ATXN1L: variants seen among roughly 807,000 people sequenced by gnomAD.
ATXN1L encodes ataxin-1-like.
ATXN1L carries 8 observed loss-of-function variants against 43.4 expected under a neutral mutation model. That is an observed-to-expected ratio of 0.18 (90% confidence interval 0.11 to 0.33). The LOEUF is 0.33. Among genes scored for constraint, ATXN1L ranks in the 10% least tolerant of loss-of-function variants. The probability of loss-of-function intolerance (pLI) is 1.00; values close to 1 mark genes in which losing one functional copy is unlikely to be tolerated. For synonymous variants in ATXN1L, 379 were observed against 360.6 expected, an observed-to-expected ratio of 1.05 and a Z score of -0.58; for missense variants, 856 against 885.4, an observed-to-expected ratio of 0.97 and a Z score of 0.42.
chr16:71,848,669 C>T (rs1017746401), intron 2 of ATXN1L, among the ~76,000 whole-genome samples: 14 of 135,384 alleles, frequency 1.0e-4, no homozygotes, highest in Non-Finnish European at 1.5e-5. Flanking sequence ...ATTTTCATAA[C>T]CTGGTTAGGG....
chr16:71,851,213 G>A lies in ATXN1L; in HGVS notation c.1473G>A (p.Gln491=). 1 of 1,551,690 alleles carries A rather than the reference G, an allele frequency of 6.4e-7. No homozygotes were observed. Among genetic ancestry groups the A allele is most frequent in the South Asian group, 1.2e-5 (1 of 84,062 alleles). ...AGCGGGTGGAGGACCTCCAGACCCA[G>A]GATTTTGTGCGCAGTGCCGAAGTGA... The part of the protein sequence containing the change: ...ELKRVEDLQT[Q]DFVRSAEVSG... Residue 491 remains glutamine (Q), a synonymous_variant, in exon 3 of 3, where the codon CAG becomes CAA. Coordinates refer to ENST00000427980, the MANE Select transcript of ATXN1L (RefSeq NM_001137675.4). The surrounding 1 kb of genome is among the most constrained non-coding windows in gnomAD (Gnocchi z 4.9).
rs2033510594 is a variant in ATXN1L at position 71,852,111 on chromosome 16, C to T, written c.*301C>T. 3.8e-6 allele frequency: 1 copy of T among 261,292 alleles called. No individual in the cohort carries two copies. Among genetic ancestry groups the T allele is most frequent in the Non-Finnish European group, 7.7e-6 (1 of 129,836 alleles). 16.2% of individuals were successfully genotyped at this position (261,292 alleles called of 1,614,324 possible). ...AATCAGGGCCTCCCTGTTCTTTCCT[C>T]CCCATCCCTAGCTCCTGCAAGAGAA... On this transcript the variant is annotated 3_prime_UTR_variant, in exon 3 of 3. Transcript: ENST00000427980.
At chr16:71,847,971 C>G (rs1567388913) in intron 1 of ATXN1L, 39 bp from the exon 2 acceptor site, 5 of 453,710 alleles carry the variant, frequency 1.1e-5, no homozygotes, top group Non-Finnish European at 2.2e-5. Flanking sequence ...AATTAGAGGT[C>G]AGGCAGCCGC....
rs1418710150 is a variant in ATXN1L at position 71,849,215 on chromosome 16, TTAAAAAAAAAAAA to T, written c.-117-408_-117-396del. Among the ~76,000 whole-genome samples the T allele has an allele frequency of 2.1e-3, 183 of 86,052 alleles. 1 individual carries two copies. The highest frequency in any genetic ancestry group is 1.3e-3 in the Non-Finnish European group (54 of 43,200). The allele number at this position is 86,052 out of a possible 152,430, so 56.5% of individuals were successfully genotyped here. ...CAACAAGAGCAAAACTCCATGTGTT[TTAAAAAAAAAAAA>T]AAAAAAAAAAAAAAGCAAAAGAGCC... On this transcript the variant is annotated intron_variant, in intron 2 of 2. Transcript: ENST00000427980.
Position 71,848,084 on chromosome 16 carries a change from C to G in ATXN1L, c.-118+13C>G, listed in dbSNP as rs1340191055. ...ACTGGAAACTCAGGTAATACCGGCA[C>G]TTTGAATTCCTTGTTTCAGGAAAAT... On this transcript the variant is annotated intron_variant, in intron 2 of 2. Transcript: ENST00000427980. 5 of 455,480 alleles carry G rather than the reference C, an allele frequency of 1.1e-5. No individual in the cohort carries two copies. Among genetic ancestry groups the G allele is most frequent in the Non-Finnish European group, 4.4e-6 (1 of 226,694 alleles). The allele number at this position is 455,480 out of a possible 1,614,324, so 28.2% of individuals were successfully genotyped here.
At position 71,857,058 on chromosome 16, in the gene ATXN1L, G is replaced by A. The variant is rs1231242061; in HGVS notation, c.*5248G>A. ...CTAATCCTACCTGATCTTTAACAAA[G>A]CATTAATAATTCTAAGGATAATCTC... On this transcript the variant is annotated 3_prime_UTR_variant, in exon 3 of 3. Transcript: ENST00000427980. 6.0e-6 allele frequency: 1 copy of A among 167,016 alleles called. No homozygotes were observed. Among genetic ancestry groups the A allele is most frequent in the Non-Finnish European group, 1.5e-5 (1 of 68,118 alleles). The allele number at this position is 167,016 out of a possible 1,614,324, so 10.3% of individuals were successfully genotyped here. A position where few individuals can be genotyped will look rare whatever the true frequency, so the allele number is the denominator to read the frequency against.
intron 1 of ATXN1L, among the ~76,000 whole-genome samples, 165 bp from the exon 2 acceptor site, chr16:71,847,845 G>C (rs2033459105): frequency 1.3e-5 from 2 of 152,090 alleles, no homozygotes; most frequent in Admixed American, 6.6e-5. Flanking sequence ...TTTTCTCTCT[G>C]TTCAACTGCC....
intron 2 of ATXN1L, among the ~76,000 whole-genome samples, chr16:71,849,022 C>G (rs2033470380): frequency 6.6e-6 from 1 of 151,884 alleles, no homozygotes; most frequent in Non-Finnish European, 1.5e-5. Context: ...CGAGACTAGC[C>G]TGGCCAACAT....
In ATXN1L at chr16:71,850,706, A is replaced by G; in HGVS notation, c.966A>G (p.Val322=). 6.4e-7 allele frequency: 1 copy of G among 1,551,732 alleles called. No homozygotes were observed. The highest frequency in any genetic ancestry group is 1.2e-5 in the South Asian group (1 of 84,070). ...FSGSQTPRVE[V]AAPAHRGTPD... ...GTTCTCAGACTCCACGGGTAGAGGT[A>G]GCAGCACCAGCACACCGGGGGACCC... Residue 322 remains valine, a synonymous_variant, in exon 3 of 3, where the codon GTA becomes GTG. Coordinates refer to ENST00000427980, the MANE Select transcript of ATXN1L (RefSeq NM_001137675.4).
In ATXN1L at chr16:71,846,091, T is replaced by G; in HGVS notation, c.-193T>G. The G allele has an allele frequency of 4.9e-6, 1 of 202,332 alleles. No individual in the cohort carries two copies. The highest frequency in any genetic ancestry group is 5.8e-5 in the South Asian group (1 of 17,190). 12.5% of individuals were successfully genotyped at this position (202,332 alleles called of 1,614,324 possible). A position where few individuals can be genotyped will look rare whatever the true frequency, so the allele number is the denominator to read the frequency against. ...CGAGTGAGTGGATCCTGGGAAGCGC[T>G]GTGAAATGGGCTGGTGAGTGTCCCT... On this transcript the variant is annotated 5_prime_UTR_variant, in exon 1 of 3. Transcript: ENST00000427980.
rs1464740230 is a variant in ATXN1L, at chr16:71,851,632, G to A, written c.1892G>A (p.Gly631Asp). Residue 631 changes from glycine to aspartate, a missense_variant, in exon 3 of 3, where the codon GGC (glycine) becomes GAC (aspartate). Gly to Asp is a moderately conservative substitution (Grantham distance 94). This residue lies in a region of ATXN1L where 185 missense variants were observed against 176.8 expected (regional missense o/e 1.05). Transcript: ENST00000427980. This position sits in a 1 kb window ranked among gnomAD's most constrained non-coding sequence, Gnocchi z 4.9. ...GGGAAGAGCCAGCCGGCAGGAGAGGGCTCCCGTGTGGTAGAGCCTTCCCAG... is the reference window on the plus strand; with the variant it reads ...GGGAAGAGCCAGCCGGCAGGAGAGGACTCCCGTGTGGTAGAGCCTTCCCAG... ...SEGKSQPAGE[G>D]SRVVEPSQPE... 2 of 1,535,274 alleles carry A rather than the reference G, an allele frequency of 1.3e-6. No homozygotes were observed. Among genetic ancestry groups the A allele is most frequent in the Non-Finnish European group, 1.8e-6 (2 of 1,135,544 alleles).
rs1317821763 is a variant in ATXN1L at position 71,849,900 on chromosome 16, C to A, written c.160C>A (p.Gln54Lys). ...GTCCCGAGGGGTTGTGGTGGCTGGG[C>A]AGAGCCAGGCAGGAGCCAGAGTCAG... Reference protein sequence around the residue: ...EWSRGVVVAGQSQAGARVSLG... With the variant: ...EWSRGVVVAGKSQAGARVSLG... The change falls in exon 3 of 3, where the codon CAG becomes AAG. Residue 54 changes from glutamine to lysine, a missense_variant. Gln to Lys is a moderately conservative substitution (Grantham distance 53). Around this residue, in one of 7 missense-constraint regions of ATXN1L, gnomAD observed 93 missense variants for 113.4 expected, o/e 0.82. Transcript: ENST00000427980. The A allele has an allele frequency of 1.6e-5, 25 of 1,550,946 alleles. No homozygotes were observed. The highest frequency in any genetic ancestry group is 2.0e-5 in the Non-Finnish European group (23 of 1,146,584).
rs1225918189 is a variant in ATXN1L, at chr16:71,851,698, T to C, written c.1958T>C (p.Phe653Ser). The change falls in exon 3 of 3, where the codon TTC becomes TCC. Residue 653 changes from phenylalanine to serine, a missense_variant. Phe to Ser is a radical substitution (Grantham distance 155). Coordinates refer to ENST00000427980, the MANE Select transcript of ATXN1L (RefSeq NM_001137675.4). This position sits in a 1 kb window ranked among gnomAD's most constrained non-coding sequence, Gnocchi z 4.9. ...GAQACWPAPSFQRYSMQGEEA... is the reference protein window; with the variant it reads ...GAQACWPAPSSQRYSMQGEEA... ...CAGGCCTGCTGGCCAGCCCCGAGCT[T>C]CCAAAGATACAGCATGCAAGGGGAG... 6.0e-6 allele frequency: 9 copies of C among 1,489,422 alleles called. No homozygotes were observed. In the South Asian group the frequency reaches 1.2e-4, roughly 20 times the overall value. 92.3% of individuals were successfully genotyped at this position (1,489,422 alleles called of 1,614,324 possible).
In ATXN1L at chr16:71,853,885, C is replaced by A. The variant is rs2033528991; in HGVS notation, c.*2075C>A. On this transcript the variant is annotated 3_prime_UTR_variant, in exon 3 of 3. Transcript: ENST00000427980. ...ATCTGGTTTGTGTCAGAACCAGACG[C>A]CAACTTTGTACTGCATTTGGGATCA... The A allele has an allele frequency of 6.0e-6, 1 of 167,104 alleles. No individual in the cohort carries two copies. The highest frequency in any genetic ancestry group is 1.5e-5 in the Non-Finnish European group (1 of 68,136). 10.4% of individuals were successfully genotyped at this position (167,104 alleles called of 1,614,324 possible). A position where few individuals can be genotyped will look rare whatever the true frequency, so the allele number is the denominator to read the frequency against.
At chr16:71,849,215 TTAAA>T (rs1367192565) in intron 2 of ATXN1L, among the ~76,000 whole-genome samples, 11 of 86,052 alleles carry the variant, frequency 1.3e-4, no homozygotes, top group Non-Finnish European at 1.9e-4. Context: ...TCCATGTGTT[TTAAA>T]AAAAAAAAAA....
In ATXN1L at chr16:71,849,929, G is replaced by C; in HGVS notation, c.189G>C (p.Leu63=). Reference sequence around the variant, plus strand: ...GCCAGGCAGGAGCCAGAGTCAGCCTGGGGGGTGATGGAGCTGAGGCCATCA... The same window carrying C: ...GCCAGGCAGGAGCCAGAGTCAGCCTCGGGGGTGATGGAGCTGAGGCCATCA... ...GQSQAGARVS[L]GGDGAEAITG... Residue 63 remains leucine, a synonymous_variant, in exon 3 of 3, where the codon CTG becomes CTC. Coordinates refer to ENST00000427980, the MANE Select transcript of ATXN1L (RefSeq NM_001137675.4). The C allele has an allele frequency of 1.9e-6, 3 of 1,550,990 alleles. No homozygotes were observed. The highest frequency in any genetic ancestry group is 1.4e-5 in the African/African-American group (1 of 73,130).
chr16:71,851,405 C>T lies in ATXN1L; in HGVS notation c.1665C>T (p.Cys555=). ...FFVYGQGWSS[C]SPGRTTQLFS... ...TATATGGCCAGGGTTGGTCCTCTTG[C>T]AGCCCTGGGCGGACGACACAACTCT... Residue 555 remains cysteine, a synonymous_variant, in exon 3 of 3, where the codon TGC becomes TGT. Coordinates refer to ENST00000427980, the MANE Select transcript of ATXN1L (RefSeq NM_001137675.4). This position sits in a 1 kb window ranked among gnomAD's most constrained non-coding sequence, Gnocchi z 4.9. 6.4e-7 allele frequency: 1 copy of T among 1,551,578 alleles called. No individual in the cohort carries two copies. Among genetic ancestry groups the T allele is most frequent in the South Asian group, 1.2e-5 (1 of 84,062 alleles).
chr16:71,848,575 A>G (rs2033467037), intron 2 of ATXN1L, among the ~76,000 whole-genome samples: 1 of 152,200 alleles, frequency 6.6e-6, no homozygotes, highest in South Asian at 2.1e-4. Context: ...AAGAGGAGAA[A>G]CAAGTTGACA....
In ATXN1L at chr16:71,851,671, C is replaced by A; in HGVS notation, c.1931C>A (p.Ala644Asp). 6.6e-7 allele frequency: 1 copy of A among 1,510,638 alleles called. No individual in the cohort carries two copies. Among genetic ancestry groups the A allele is most frequent in the South Asian group, 1.3e-5 (1 of 79,864 alleles). The allele number at this position is 1,510,638 out of a possible 1,614,324, so 93.6% of individuals were successfully genotyped here. The change falls in exon 3 of 3, where the codon GCT (alanine) becomes GAT (aspartate). Residue 644 changes from alanine (A) to aspartate (D), a missense_variant. Ala to Asp is a moderately radical substitution (Grantham distance 126). Around this residue, in one of 7 missense-constraint regions of ATXN1L, gnomAD observed 185 missense variants for 176.8 expected, o/e 1.05. Coordinates refer to ENST00000427980, the MANE Select transcript of ATXN1L (RefSeq NM_001137675.4). The surrounding 1 kb of genome is among the most constrained non-coding windows in gnomAD (Gnocchi z 4.9). ...GAGCCTTCCCAGCCTGAGTCCGGTG[C>A]TCAGGCCTGCTGGCCAGCCCCGAGC... ...VVEPSQPESGAQACWPAPSFQ... is the reference protein window; with the variant it reads ...VVEPSQPESGDQACWPAPSFQ...
Sources: gnomAD v4.1 joint callset for allele counts (sites outside exome capture counted in the v4.1 genomes callset) on GRCh38, gnomAD v4.1.1 for gene constraint, gnomAD v4.1.1 regional missense constraint, Gnocchi (gnomAD v3.1) non-coding constraint, MANE v1.5 for transcripts, NCBI Gene and HGNC (gene_info 2026-07-23, HGNC 2026-07-21) for gene names.